Variants in MEGF9 observed in about 807,000 individuals in gnomAD.
The protein encoded by MEGF9 is multiple EGF like domains 9, also known as multiple epidermal growth factor-like domains protein 9.
A neutral mutation model predicts 46.8 loss-of-function variants in MEGF9; 6 were observed. The observed-to-expected ratio is 0.13, with a 90% CI of 0.07 to 0.25. The LOEUF (loss-of-function observed/expected upper bound fraction) is 0.25. Among genes scored for constraint, MEGF9 ranks in the 10% least tolerant of loss-of-function variants. The probability of loss-of-function intolerance (pLI) is 1.00; values close to 1 mark genes in which losing one functional copy is unlikely to be tolerated. For synonymous variants in MEGF9, 302 were observed against 330.7 expected (o/e 0.91, Z 0.94); for missense variants, 683 against 792.4 (o/e 0.86, Z 1.66).
chr9:120,629,146 T>C (rs1320111636), intron 2 of MEGF9, among the ~76,000 whole-genome samples: 3 of 152,126 alleles, frequency 2.0e-5, no homozygotes, highest in Non-Finnish European at 4.4e-5. Flanking sequence ...GATAACTTTT[T>C]GAAATTTATT....
chr9:120,646,126 A>T (rs77562649), intron 2 of MEGF9, among the ~76,000 whole-genome samples: 5 of 152,148 alleles, frequency 3.3e-5, no homozygotes, highest in Non-Finnish European at 7.4e-5. Flanking sequence ...GCACAGAAAC[A>T]TGGCTGTCAT....
intron 2 of MEGF9, among the ~76,000 whole-genome samples, chr9:120,626,983 G>A (rs548245043): frequency 9.0e-4 from 137 of 152,186 alleles, no homozygotes; most frequent in African/African-American, 3.2e-3. Flanking sequence ...AAGGAAAGTA[G>A]GTTAGAATTC....
intron 2 of MEGF9, among the ~76,000 whole-genome samples, chr9:120,654,750 A>G (rs1159036086): frequency 6.6e-6 from 1 of 152,186 alleles, no homozygotes; most frequent in Non-Finnish European, 1.5e-5. Context: ...CATGGATGAC[A>G]GCTCCATGCA....
intron 1 of MEGF9, among the ~76,000 whole-genome samples, chr9:120,672,371 T>G (rs1027112081): frequency 2.0e-5 from 3 of 151,898 alleles, no homozygotes; most frequent in Non-Finnish European, 4.4e-5. Flanking sequence ...GGTGGGAGGA[T>G]TACATGAATC....
chr9:120,609,863 T>C (rs1410646732), intron 4 of MEGF9, among the ~76,000 whole-genome samples: 1 of 152,178 alleles, frequency 6.6e-6, no homozygotes, highest in Non-Finnish European at 1.5e-5. Flanking sequence ...ATATTTCTGA[T>C]GCTCTTTAAG....
chr9:120,675,337 G>A (rs931767425), intron 1 of MEGF9, among the ~76,000 whole-genome samples: 4 of 152,100 alleles, frequency 2.6e-5, no homozygotes, highest in Non-Finnish European at 5.9e-5. Flanking sequence ...CTGTAATCCC[G>A]GCACTTGGGT....
intron 1 of MEGF9, among the ~76,000 whole-genome samples, chr9:120,659,788 A>AGTGTGTGT (rs67080202): frequency 1.3e-4 from 19 of 143,128 alleles, no homozygotes; most frequent in East Asian, 6.1e-4. Context: ...TGTGTGTGAC[A>AGTGTGTGT]GTGTGTGTGT....
Position 120,713,805 on chromosome 9 carries a change from A to G in MEGF9, c.554T>C (p.Val185Ala). 7.7e-7 allele frequency: 1 copy of G among 1,295,794 alleles called. No individual in the cohort carries two copies. Among genetic ancestry groups the G allele is most frequent in the Non-Finnish European group, 9.8e-7 (1 of 1,021,774 alleles). The allele number at this position is 1,295,794 out of a possible 1,614,324, so 80.3% of individuals were successfully genotyped here. A position where few individuals can be genotyped will look rare whatever the true frequency, so the allele number is the denominator to read the frequency against. ...CTCGGTGGCAGGTGGGGTGGGGAGG[A>G]CGCTGCTGTTGCTGCTGCTGGGGAG... ...PDLPSSSNSS[V>A]LPTPPATEAP... Residue 185 changes from valine to alanine, a missense_variant, in exon 1 of 6, where the codon GTC (valine) becomes GCC (alanine). Physicochemically the swap from Val to Ala is moderately conservative, Grantham distance 64. Around this residue, in one of 2 missense-constraint regions of MEGF9, gnomAD observed 370 missense variants for 371.3 expected, o/e 1.00. Coordinates refer to ENST00000373930, the MANE Select transcript of MEGF9 (RefSeq NM_001080497.3).
At chr9:120,632,757 A>G (rs2043556301) in intron 2 of MEGF9, among the ~76,000 whole-genome samples, 1 of 151,968 alleles carries the variant, frequency 6.6e-6, no homozygotes, top group South Asian at 2.1e-4. Flanking sequence ...TATTATTCTG[A>G]GGTACGTTTC....
intron 1 of MEGF9, chr9:120,691,480 C>G (rs780150083): frequency 6.8e-6 from 3 of 441,880 alleles, no homozygotes; most frequent in Non-Finnish European, 1.4e-5. Flanking sequence ...ATGCCCTGAA[C>G]AAGAAGTCAG....
At position 120,714,470 on chromosome 9, in the gene MEGF9, T is replaced by G; in HGVS notation, c.-112A>C. The G allele has an allele frequency of 1.0e-6, 1 of 958,830 alleles. No individual in the cohort carries two copies. The highest frequency in any genetic ancestry group is 4.9e-5 in the South Asian group (1 of 20,278). The allele number at this position is 958,830 out of a possible 1,614,324, so 59.4% of individuals were successfully genotyped here. ...CGGGCGCACCATCGCCACCTCCCTC[T>G]GACAGGCGGCCGGCCCCGCGGGCGG... On this transcript the variant is annotated 5_prime_UTR_variant, in exon 1 of 6. Transcript: ENST00000373930.
chr9:120,635,615 G>T (rs2043570801), intron 2 of MEGF9, among the ~76,000 whole-genome samples: 1 of 150,116 alleles, frequency 6.7e-6, no homozygotes, highest in South Asian at 2.1e-4. Context: ...TCTCTCTGTT[G>T]TATTTTTTAA....
intron 1 of MEGF9, among the ~76,000 whole-genome samples, chr9:120,677,364 C>T (rs2043778027): frequency 6.6e-6 from 1 of 152,080 alleles, no homozygotes; most frequent in African/African-American, 2.4e-5. Context: ...CAAACTCGTG[C>T]TCAAGCAATC....
chr9:120,604,052 T>C lies in MEGF9; in HGVS notation c.*1138A>G, dbSNP rs1587970244. The C allele has an allele frequency of 6.5e-6, 1 of 152,782 alleles. No homozygotes were observed. Among genetic ancestry groups the C allele is most frequent in the East Asian group, 1.9e-4 (1 of 5,194 alleles). 9.5% of individuals were successfully genotyped at this position (152,782 alleles called of 1,614,324 possible). The stretch of plus-strand genomic sequence containing the variant: ...TGAGGATATGTTTTATATTAATCTA[T>C]GTAAAATATATAGGGTGGCTAATGT... On this transcript the variant is annotated 3_prime_UTR_variant, in exon 6 of 6. Transcript: ENST00000373930.
intron 1 of MEGF9, among the ~76,000 whole-genome samples, chr9:120,675,924 T>C (rs1204107601): frequency 6.7e-6 from 1 of 149,806 alleles, no homozygotes; most frequent in Non-Finnish European, 1.5e-5. Flanking sequence ...CCTATTCTTA[T>C]ATCAGCACAT....
chr9:120,697,179 C>G (rs1165513783), intron 1 of MEGF9, among the ~76,000 whole-genome samples: 1 of 152,268 alleles, frequency 6.6e-6, no homozygotes, highest in Middle Eastern at 3.4e-3. Context: ...GCCTCTTGGG[C>G]ACAAGCAATC....
intron 1 of MEGF9, among the ~76,000 whole-genome samples, chr9:120,704,901 G>A (rs568335881): frequency 6.6e-6 from 1 of 152,214 alleles, no homozygotes; most frequent in East Asian, 1.9e-4. Context: ...ATACTGGTAT[G>A]CATCTCAAAA....
chr9:120,622,417 C>CTTT (rs59380409), intron 3 of MEGF9, among the ~76,000 whole-genome samples, 199 bp downstream of exon 3: 3 of 101,188 alleles, frequency 3.0e-5, no homozygotes, highest in African/African-American at 3.6e-5. Context: ...AGGTATATGA[C>CTTT]TTTTTTTTTT....
At chr9:120,608,076 T>A in intron 4 of MEGF9, 66 bp from the exon 5 acceptor site, 1 of 1,533,956 alleles carries the variant, frequency 6.5e-7, no homozygotes, top group Non-Finnish European at 8.9e-7. Context: ...GCAAAACAAC[T>A]ACTAGTCCTT....
Sources: gnomAD v4.1 joint callset for allele counts (sites outside exome capture counted in the v4.1 genomes callset) on GRCh38, gnomAD v4.1.1 for gene constraint, gnomAD v4.1.1 regional missense constraint, MANE v1.5 for transcripts, NCBI Gene and HGNC (gene_info 2026-07-23, HGNC 2026-07-21) for gene names.